The following IRAK2 variants were observed in gnomAD, a reference collection of about 807,000 sequenced individuals.
IRAK2 encodes the protein interleukin-1 receptor-associated kinase-like 2.
A neutral mutation model predicts 72.0 loss-of-function variants in IRAK2; 57 were observed. That is an observed-to-expected ratio of 0.79 (90% CI 0.64 to 0.99). IRAK2 has a LOEUF of 0.99. Among genes scored for constraint, IRAK2 ranks in the 50% least tolerant of loss-of-function variants. The probability of loss-of-function intolerance (pLI) is 0.00; values close to 1 mark genes in which losing one functional copy is unlikely to be tolerated. For missense variants in IRAK2, 790 were observed against 794.4 expected (o/e 0.99, Z 0.07); for synonymous variants, 293 against 312.7 (o/e 0.94, Z 0.67).
At chr3:10,234,942 G>C (rs920171921) in intron 11 of IRAK2, among the ~76,000 whole-genome samples, 1 of 152,196 alleles carries the variant, frequency 6.6e-6, no homozygotes, top group African/African-American at 2.4e-5. Context: ...TTCTCTATAG[G>C]CCCCTTCCCC....
chr3:10,213,086 A>G (rs1697548290), intron 4 of IRAK2, 121 bp from the exon 5 acceptor site: 4 of 829,726 alleles, frequency 4.8e-6, no homozygotes, highest in African/African-American at 1.7e-5. Flanking sequence ...TCCTTTTTAC[A>G]GTTTCCATTG....
At chr3:10,229,046 G>C (rs1210360452) in intron 10 of IRAK2, among the ~76,000 whole-genome samples, 1 of 151,558 alleles carries the variant, frequency 6.6e-6, no homozygotes, top group Admixed American at 6.6e-5. Flanking sequence ...AGATTCTCCT[G>C]CCTCAGCCTC....
At chr3:10,167,572 G>T (rs911164772) in intron 1 of IRAK2, among the ~76,000 whole-genome samples, 2 of 151,976 alleles carry the variant, frequency 1.3e-5, no homozygotes, top group African/African-American at 2.4e-5. Context: ...CTGCCACCAT[G>T]CCCGGCTAAT....
At chr3:10,175,890 CAAAAAAAAAAAAAAA>C (rs59718922) in intron 1 of IRAK2, among the ~76,000 whole-genome samples, 3 of 53,698 alleles carry the variant, frequency 5.6e-5, no homozygotes, top group Admixed American at 5.3e-4. Flanking sequence ...GACTCCGTCT[CAAAAAAAAAAAAAAA>C]AAAAAAAAGA....
chr3:10,197,558 TTG>T (rs1697289455), intron 2 of IRAK2, among the ~76,000 whole-genome samples: 1 of 151,758 alleles, frequency 6.6e-6, no homozygotes, highest in Admixed American at 6.6e-5. Flanking sequence ...TTCATAAAAG[TTG>T]TCCAAAGGAG....
At position 10,183,750 on chromosome 3, in the gene IRAK2, A is replaced by G. The variant is rs1395504239; in HGVS notation, c.277+5730A>G. 1.3e-5 allele frequency among the ~76,000 whole-genome samples: 2 copies of G among 152,132 alleles called. 1 individual carries two copies. Among genetic ancestry groups the G allele is most frequent in the African/African-American group, 4.8e-5 (2 of 41,436 alleles). On this transcript the variant is annotated intron_variant, in intron 2 of 12. Transcript: ENST00000256458. ...AAATAAATAAATAAATAAATAAGAG[A>G]ATTAGAATAAATCAGTACAGAAGGC... is the stretch of plus-strand genomic sequence containing the variant.
chr3:10,202,555 G>A (rs1354436905), intron 3 of IRAK2, among the ~76,000 whole-genome samples: 5 of 152,080 alleles, frequency 3.3e-5, no homozygotes, highest in African/African-American at 7.2e-5. Context: ...CCCAGGAGGC[G>A]GAGGTTGCAG....
intron 11 of IRAK2, among the ~76,000 whole-genome samples, chr3:10,234,893 G>T (rs914765038): frequency 1.3e-5 from 2 of 152,232 alleles, no homozygotes; most frequent in African/African-American, 4.8e-5. Flanking sequence ...GATGTTAACT[G>T]AACTCGATGA....
chr3:10,216,816 T>A, intron 6 of IRAK2, 118 bp from the exon 7 acceptor site: 1 of 730,458 alleles, frequency 1.4e-6, no homozygotes, highest in South Asian at 1.6e-5. Context: ...GAGTATGTGG[T>A]ACCTGGGAGG....
intron 1 of IRAK2, among the ~76,000 whole-genome samples, chr3:10,175,166 C>T (rs899747881): frequency 2.0e-5 from 3 of 152,084 alleles, no homozygotes; most frequent in African/African-American, 4.8e-5. Flanking sequence ...CTCTGTCGCT[C>T]AGGCTGGAGT....
At chr3:10,230,332 G>C (rs1697839485) in intron 10 of IRAK2, among the ~76,000 whole-genome samples, 1 of 151,594 alleles carries the variant, frequency 6.6e-6, no homozygotes, top group Non-Finnish European at 1.5e-5. Context: ...TTGGAGATAG[G>C]GTCTCCTATC....
chr3:10,174,277 C>A (rs1696839856), intron 1 of IRAK2, among the ~76,000 whole-genome samples: 1 of 152,168 alleles, frequency 6.6e-6, no homozygotes, highest in Non-Finnish European at 1.5e-5. Context: ...GGGCACTTCT[C>A]CTGGAGGCTT....
intron 2 of IRAK2, among the ~76,000 whole-genome samples, chr3:10,199,653 T>A (rs906310804): frequency 2.0e-5 from 3 of 152,072 alleles, no homozygotes; most frequent in African/African-American, 7.2e-5. Context: ...TTCAGGGAAA[T>A]GTGCAGTCTA....
chr3:10,164,950 G>A lies in IRAK2; in HGVS notation c.-5G>A, dbSNP rs1373949051. 22 of 1,605,072 alleles carry A rather than the reference G, an allele frequency of 1.4e-5. No homozygotes were observed. The highest frequency in any genetic ancestry group is 1.9e-5 in the Non-Finnish European group (22 of 1,176,392). On this transcript the variant is annotated 5_prime_UTR_variant, in exon 1 of 13. It adds an upstream start codon to the 5' untranslated region. Coordinates refer to ENST00000256458, the MANE Select transcript of IRAK2 (RefSeq NM_001570.4). Reference sequence around the variant, plus strand: ...CCCGCGCCGGAGCCGGCCCCGTAGCGTGCCATGGCCTGCTACATCTACCAG... The same window carrying A: ...CCCGCGCCGGAGCCGGCCCCGTAGCATGCCATGGCCTGCTACATCTACCAG...
intron 12 of IRAK2, among the ~76,000 whole-genome samples, chr3:10,240,774 G>C (rs907101709): frequency 1.3e-5 from 2 of 151,222 alleles, no homozygotes; most frequent in African/African-American, 4.9e-5. Flanking sequence ...GGTCAGGCTG[G>C]TCTTGAACTC....
chr3:10,235,996 C>A (rs144058158), intron 11 of IRAK2, among the ~76,000 whole-genome samples: 1 of 152,082 alleles, frequency 6.6e-6, no homozygotes, highest in Admixed American at 6.6e-5. Context: ...CACATCTGTT[C>A]GGGAACAAGG....
intron 3 of IRAK2, among the ~76,000 whole-genome samples, chr3:10,204,725 G>A (rs1697410771): frequency 6.6e-6 from 1 of 152,050 alleles, no homozygotes; most frequent in Non-Finnish European, 1.5e-5. Flanking sequence ...CTCCAGCTTG[G>A]GTGACAGAGA....
intron 2 of IRAK2, among the ~76,000 whole-genome samples, chr3:10,182,532 C>T (rs939972580): frequency 2.7e-5 from 4 of 150,036 alleles, no homozygotes; most frequent in African/African-American, 4.9e-5. Flanking sequence ...CCGCCCGCCT[C>T]GGCCTCCCAA....
At position 10,186,111 on chromosome 3, in the gene IRAK2, G is replaced by T. The variant is rs369345386; in HGVS notation, c.277+8091G>T. On this transcript the variant is annotated intron_variant, in intron 2 of 12. Coordinates refer to ENST00000256458, the MANE Select transcript of IRAK2 (RefSeq NM_001570.4). The stretch of plus-strand genomic sequence containing the variant: ...ACAACAAAACACTGCTCTGATACCT[G>T]GTCCTCCGTGATTTCTGGGAAGTGG... Among the ~76,000 whole-genome samples, 42 of 151,576 alleles carry T rather than the reference G, an allele frequency of 2.8e-4. No individual in the cohort carries two copies. The East Asian group carries it at 3.7e-3, about 13-fold the overall frequency.
Sources: gnomAD v4.1 joint callset for allele counts (sites outside exome capture counted in the v4.1 genomes callset) on GRCh38, gnomAD v4.1.1 for gene constraint, MANE v1.5 for transcripts, NCBI Gene and HGNC (gene_info 2026-07-23, HGNC 2026-07-21) for gene names.